SDK1: variants seen among roughly 807,000 people sequenced by gnomAD.
The protein encoded by SDK1 is sidekick cell adhesion molecule 1, also known as protein sidekick-1.
SDK1 carries 157 observed loss-of-function variants against 245.5 expected under a neutral mutation model. That is an observed-to-expected ratio of 0.64 (90% CI 0.56 to 0.73). The LOEUF is 0.73. Among genes scored for constraint, SDK1 ranks in the 30% least tolerant of loss-of-function variants. The pLI is 0.00. For missense variants in SDK1, 3,583 were observed against 3,002.3 expected, an observed-to-expected ratio of 1.19 and a Z score of -4.52; for synonymous variants, 1,647 against 1,278.5, an observed-to-expected ratio of 1.29 and a Z score of -6.15.
intron 1 of SDK1, among the ~76,000 whole-genome samples, chr7:3,303,719 C>T (rs192710806): frequency 2.3e-4 from 35 of 152,214 alleles, no homozygotes; most frequent in African/African-American, 7.7e-4. Context: ...GGTTTCTGTT[C>T]TCTTTGCTCT....
At chr7:4,096,412 G>T (rs951529598) in intron 22 of SDK1, among the ~76,000 whole-genome samples, 1 of 152,114 alleles carries the variant, frequency 6.6e-6, no homozygotes, top group Admixed American at 6.5e-5. Flanking sequence ...GGTTGTTAGG[G>T]GTGTGGGGGA....
chr7:3,345,543 A>G (rs962821895), intron 1 of SDK1, among the ~76,000 whole-genome samples: 16 of 152,270 alleles, frequency 1.1e-4, no homozygotes, highest in African/African-American at 3.9e-4. Flanking sequence ...GAGAAACCCC[A>G]CCATTCAATA....
At position 3,931,506 on chromosome 7, in the gene SDK1, GAGTA is replaced by G. The variant is rs1337751671; in HGVS notation, c.848-19411_848-19408del. On this transcript the variant is annotated intron_variant, in intron 5 of 44. Transcript: ENST00000404826. Reference sequence around the variant, plus strand: ...GTATTCAACGTCCCAAAACAATAAAGAGTAAGTAAACAACTGCGTAGCTAACCAA... The same window carrying G: ...GTATTCAACGTCCCAAAACAATAAAGAGTAAACAACTGCGTAGCTAACCAA... 6.6e-4 allele frequency among the ~76,000 whole-genome samples: 101 copies of G among 152,302 alleles called. 1 individual carries two copies. Among genetic ancestry groups the G allele is most frequent in the Admixed American group, 6.5e-3 (100 of 15,304 alleles).
At chr7:3,811,676 G>C (rs915703377) in intron 4 of SDK1, among the ~76,000 whole-genome samples, 1 of 152,142 alleles carries the variant, frequency 6.6e-6, no homozygotes, top group Admixed American at 6.5e-5. Flanking sequence ...GGCCAGCCCC[G>C]CAGTTCAGGA....
At chr7:3,752,406 A>T (rs7798663) in intron 4 of SDK1, among the ~76,000 whole-genome samples, 1 of 152,094 alleles carries the variant, frequency 6.6e-6, no homozygotes, top group African/African-American at 2.4e-5. Context: ...TTTTAATGCC[A>T]TCTGACCTCA....
chr7:3,389,723 C>T (rs1781698890), intron 1 of SDK1, among the ~76,000 whole-genome samples: 1 of 147,776 alleles, frequency 6.8e-6, no homozygotes, highest in Non-Finnish European at 1.5e-5. Flanking sequence ...TGTGATCGTG[C>T]CACTGCACTC....
At chr7:3,602,266 A>G (rs1310185060) in intron 1 of SDK1, among the ~76,000 whole-genome samples, 1 of 151,288 alleles carries the variant, frequency 6.6e-6, no homozygotes, top group East Asian at 1.9e-4. Context: ...GACTTCCACA[A>G]TGGTTGAACT....
chr7:3,921,320 A>G (rs1424934939), intron 5 of SDK1, among the ~76,000 whole-genome samples: 1 of 152,164 alleles, frequency 6.6e-6, no homozygotes. Context: ...ATAACTGCCT[A>G]GTTTCTTTTT....
At chr7:3,987,149 T>G in intron 13 of SDK1, 37 bp from the exon 14 acceptor site, 1 of 1,611,424 alleles carries the variant, frequency 6.2e-7, no homozygotes, top group Non-Finnish European at 8.5e-7. Flanking sequence ...CTGACATGTG[T>G]TTTCCTCTTT....
intron 28 of SDK1, among the ~76,000 whole-genome samples, chr7:4,143,701 G>T (rs1159474364): frequency 2.0e-5 from 3 of 152,216 alleles, no homozygotes; most frequent in Non-Finnish European, 2.9e-5. Flanking sequence ...GACCTGGCGA[G>T]GGGATGCTCT....
intron 4 of SDK1, among the ~76,000 whole-genome samples, chr7:3,701,513 T>C (rs1186203860): frequency 6.6e-6 from 1 of 152,148 alleles, no homozygotes; most frequent in East Asian, 1.9e-4. Flanking sequence ...GGCAGGTGGA[T>C]TGCTTGATTC....
intron 22 of SDK1, among the ~76,000 whole-genome samples, chr7:4,106,995 C>T (rs1782967031): frequency 6.6e-6 from 1 of 151,936 alleles, no homozygotes; most frequent in South Asian, 2.1e-4. Context: ...TGAATCCATA[C>T]ATGCCGAGCA....
At chr7:4,211,425 A>T (rs1017378480) in intron 38 of SDK1, among the ~76,000 whole-genome samples, 6 of 150,776 alleles carry the variant, frequency 4.0e-5, no homozygotes, top group African/African-American at 1.5e-4. Flanking sequence ...GAGAAGGGGA[A>T]GGGTGCGGGG....
At chr7:3,401,177 T>C (rs73052670) in intron 1 of SDK1, among the ~76,000 whole-genome samples, 18,948 of 152,192 alleles carry the variant, frequency 0.12, 1,444 homozygotes, top group African/African-American at 0.21. Flanking sequence ...AAATCCATAC[T>C]TGATGATGTC....
intron 5 of SDK1, among the ~76,000 whole-genome samples, chr7:3,924,094 T>A (rs1183902353): frequency 1.4e-5 from 2 of 138,786 alleles, no homozygotes; most frequent in African/African-American, 5.6e-5. Flanking sequence ...GAAATTCCTC[T>A]TTTTTTTTTT....
intron 1 of SDK1, among the ~76,000 whole-genome samples, chr7:3,485,901 T>C (rs538856488): frequency 6.6e-6 from 1 of 152,092 alleles, no homozygotes; most frequent in South Asian, 2.1e-4. Flanking sequence ...GTTTATATAA[T>C]ATTGGTTTTA....
chr7:3,798,362 C>T (rs529937914), intron 4 of SDK1, among the ~76,000 whole-genome samples: 22 of 151,894 alleles, frequency 1.4e-4, no homozygotes, highest in South Asian at 1.0e-3. Context: ...GGACTACAGG[C>T]GCCCGCCACC....
chr7:3,969,507 TGCCCTTGG>T, intron 11 of SDK1, 83 bp downstream of exon 11: 4 of 1,074,464 alleles, frequency 3.7e-6, no homozygotes, highest in Non-Finnish European at 5.1e-6. Flanking sequence ...GATGTCAGCA[TGCCCTTGG>T]GCTTGCTAAT....
intron 4 of SDK1, among the ~76,000 whole-genome samples, chr7:3,801,997 C>T (rs12531980): frequency 0.29 from 43,897 of 152,134 alleles, 7,595 homozygotes; most frequent in African/African-American, 0.49. Flanking sequence ...TTCTTTTCTT[C>T]AGCAGAGCTG....
Sources: gnomAD v4.1 joint callset for allele counts (sites outside exome capture counted in the v4.1 genomes callset) on GRCh38, gnomAD v4.1.1 for gene constraint, MANE v1.5 for transcripts, NCBI Gene and HGNC (gene_info 2026-07-23, HGNC 2026-07-21) for gene names.